Variants in SLFN11 observed in about 807,000 individuals in gnomAD.
The protein encoded by SLFN11 is schlafen family member 11.
A neutral mutation model predicts 53.4 loss-of-function variants in SLFN11; 43 were observed. The observed-to-expected ratio is 0.80, with a 90% CI of 0.63 to 1.04. The LOEUF is 1.04. SLFN11 is among the 50% of genes least tolerant of loss of function. SLFN11 has a pLI of 0.00. For missense variants in SLFN11, 990 were observed against 1,079.1 expected (o/e 0.92, Z 1.16); for synonymous variants, 389 against 394.7 (o/e 0.99, Z 0.17).
In SLFN11 at chr17:35,360,374, TA is replaced by T; in HGVS notation, c.1070-4del. ...ATCTTCAGACAACTGTAGAAGATCT[TA>T]AGAAAGAAAATTCATGTTATTCTGA... On this transcript the variant is annotated splice_region_variant and splice_polypyrimidine_tract_variant and intron_variant, in intron 4 of 6. Coordinates refer to ENST00000685675, the MANE Select transcript of SLFN11 (RefSeq NM_001376007.1). The T allele has an allele frequency of 6.3e-7, 1 of 1,595,804 alleles. No individual in the cohort carries two copies. Among genetic ancestry groups the T allele is most frequent in the Non-Finnish European group, 8.5e-7 (1 of 1,174,666 alleles).
rs200734680 is a variant in SLFN11 at position 35,352,868 on chromosome 17, G to A, written c.2194C>T (p.Arg732Cys). The change falls in exon 7 of 7, where the codon CGC becomes TGC. Residue 732 changes from arginine to cysteine, a missense_variant. Physicochemically the swap from Arg to Cys is radical, Grantham distance 180. Transcript: ENST00000685675. ...YPREELTRIV[R>C]NADPIAKYLQ... ...TACTTGGCTATTGGATCTGCATTGCGAACTATTCTGGTGAGCTCTTCTCTT... is the reference window on the plus strand; with the variant it reads ...TACTTGGCTATTGGATCTGCATTGCAAACTATTCTGGTGAGCTCTTCTCTT... 14 of 1,614,024 alleles carry A rather than the reference G, an allele frequency of 8.7e-6. No individual in the cohort carries two copies. Among genetic ancestry groups the A allele is most frequent in the South Asian group, 1.1e-5 (1 of 91,076 alleles).
In SLFN11 at chr17:35,353,418, C is replaced by T. The variant is rs756180435; in HGVS notation, c.1840G>A (p.Glu614Lys). The part of the protein sequence containing the change: ...GKTIMAMKIM[E>K]KIRNVFHCEA... Reference sequence around the variant, plus strand: ...CAGTGAAACACATTCCTGATCTTCTCCATGATCTTCATGGCCATGATGGTC... The same window carrying T: ...CAGTGAAACACATTCCTGATCTTCTTCATGATCTTCATGGCCATGATGGTC... Residue 614 changes from glutamate (E) to lysine (K), a missense_variant, in exon 6 of 7, where the codon GAG becomes AAG. Transcript: ENST00000685675. 1.2e-6 allele frequency: 2 copies of T among 1,608,278 alleles called. No individual in the cohort carries two copies. The highest frequency in any genetic ancestry group is 1.7e-5 in the Admixed American group (1 of 59,404).
At chr17:35,369,875 A>T (rs1185499204) in intron 1 of SLFN11, among the ~76,000 whole-genome samples, 1 of 152,150 alleles carries the variant, frequency 6.6e-6, no homozygotes, top group African/African-American at 2.4e-5. Context: ...CATAATAAAA[A>T]GTCTCCAGCA....
At chr17:35,358,250 T>C (rs1907773814) in intron 5 of SLFN11, among the ~76,000 whole-genome samples, 2 of 151,396 alleles carry the variant, frequency 1.3e-5, no homozygotes, top group African/African-American at 2.4e-5. Flanking sequence ...AGATACTGAA[T>C]TCTGCATATT....
At chr17:35,362,683 T>C (rs1908375150) in intron 4 of SLFN11, 56 bp downstream of exon 4, 5 of 1,392,842 alleles carry the variant, frequency 3.6e-6, no homozygotes, top group Non-Finnish European at 4.8e-6. Flanking sequence ...AAATTTAATA[T>C]GGGAGGTCCC....
At position 35,362,874 on chromosome 17, in the gene SLFN11, C is replaced by T; in HGVS notation, c.934G>A (p.Ala312Thr). Residue 312 changes from alanine to threonine, a missense_variant, in exon 4 of 7, where the codon GCT becomes ACT. This residue lies in a region of SLFN11 where 521 missense variants were observed against 516.2 expected (regional missense o/e 1.01). Transcript: ENST00000685675. ...VLKRGELYGY[A>T]CMIRVNPFCC... ...AAGGGATTTACTCTGATCATGCAAG[C>T]ATAGCCATAGAGCTCTCCCCTTTTT... The T allele has an allele frequency of 6.2e-7, 1 of 1,613,950 alleles. No homozygotes were observed.
At chr17:35,364,410 A>C (rs1469763696) in intron 3 of SLFN11, among the ~76,000 whole-genome samples, 1 of 152,100 alleles carries the variant, frequency 6.6e-6, no homozygotes, top group African/African-American at 2.4e-5. Context: ...CATAATGAAA[A>C]ACTGAGGCTG....
In SLFN11 at chr17:35,363,045, T is replaced by G. The variant is rs950998167; in HGVS notation, c.763A>C (p.Arg255=). The change falls in exon 4 of 7, where the codon AGG becomes CGG. Residue 255 remains arginine (R), a synonymous_variant. Transcript: ENST00000685675. ...YLFIGVDDKS[R]EVLGCAKENV... Reference sequence around the variant, plus strand: ...TCTTTTGCACATCCCAGGACTTCCCTACTCTTATCATCCACTCCAATAAAA... The same window carrying G: ...TCTTTTGCACATCCCAGGACTTCCCGACTCTTATCATCCACTCCAATAAAA... 4.3e-6 allele frequency: 7 copies of G among 1,613,960 alleles called. No individual in the cohort carries two copies. Among genetic ancestry groups the G allele is most frequent in the Non-Finnish European group, 5.9e-6 (7 of 1,179,990 alleles).
Position 35,353,643 on chromosome 17 carries a change from A to G in SLFN11, c.1615T>C (p.Tyr539His), listed in dbSNP as rs1907064253. The change falls in exon 6 of 7, where the codon TAT (tyrosine) becomes CAT (histidine). Residue 539 changes from tyrosine (Y) to histidine (H), a missense_variant. By Grantham distance (83) the Tyr-to-His change is moderately conservative (BLOSUM62 2). Transcript: ENST00000685675. ...AVSPMDYPAS[Y>H]SLAGTQHMEA... ...ATGTGCTGGGTGCCTGCAAGGCTAT[A>G]GGACGCAGGGTAATCCATCGGAGAC... The G allele has an allele frequency of 8.7e-7, 1 of 1,143,376 alleles. No individual in the cohort carries two copies. The highest frequency in any genetic ancestry group is 1.8e-5 in the African/African-American group (1 of 56,614). 70.8% of individuals were successfully genotyped at this position (1,143,376 alleles called of 1,614,324 possible). A position where few individuals can be genotyped will look rare whatever the true frequency, so the allele number is the denominator to read the frequency against.
chr17:35,352,919 G>A lies in SLFN11; in HGVS notation c.2143C>T (p.Leu715Phe). 1.2e-6 allele frequency: 2 copies of A among 1,614,140 alleles called. No homozygotes were observed. The highest frequency in any genetic ancestry group is 1.7e-6 in the Non-Finnish European group (2 of 1,180,016). The change falls in exon 7 of 7, where the codon CTC (leucine) becomes TTC (phenylalanine). Residue 715 changes from leucine (L) to phenylalanine (F), a missense_variant. Around this residue, in one of 3 missense-constraint regions of SLFN11, gnomAD observed 313 missense variants for 320.9 expected, o/e 0.98. Transcript: ENST00000685675. Reference protein sequence around the residue: ...FQTSHLDCSGLPPLSDQYPRE... With the variant: ...FQTSHLDCSGFPPLSDQYPRE... ...GGATATTGGTCTGAGAGAGGAGGGAGGCCACTGCAATCCAAGTGGCTGGTC... is the reference window on the plus strand; with the variant it reads ...GGATATTGGTCTGAGAGAGGAGGGAAGCCACTGCAATCCAAGTGGCTGGTC...
At chr17:35,356,084 A>G (rs567511179) in intron 5 of SLFN11, among the ~76,000 whole-genome samples, 4 of 151,762 alleles carry the variant, frequency 2.6e-5, no homozygotes, top group African/African-American at 7.2e-5. Context: ...GACCTACTAC[A>G]CCAGGCCCTG....
chr17:35,368,698 C>G (rs1909269505), intron 1 of SLFN11, among the ~76,000 whole-genome samples: 1 of 152,082 alleles, frequency 6.6e-6, no homozygotes, highest in African/African-American at 2.4e-5. Context: ...CCTCCCCCAA[C>G]CCCAGACAGT....
rs777573505 is a variant in SLFN11 at position 35,363,033 on chromosome 17, C to T, written c.775G>A (p.Gly259Arg). 8 of 1,613,802 alleles carry T rather than the reference C, an allele frequency of 5.0e-6. No homozygotes were observed. In the African/African-American group the frequency reaches 1.1e-4, roughly 22 times the overall value. Residue 259 changes from glycine (G) to arginine (R), a missense_variant, in exon 4 of 7, where the codon GGA becomes AGA. Around this residue, in one of 3 missense-constraint regions of SLFN11, gnomAD observed 521 missense variants for 516.2 expected, o/e 1.01. Coordinates refer to ENST00000685675, the MANE Select transcript of SLFN11 (RefSeq NM_001376007.1). ...GGGTCAACATTTTCTTTTGCACATC[C>T]CAGGACTTCCCTACTCTTATCATCC... ...GVDDKSREVL[G>R]CAKENVDPDS...
At position 35,353,450 on chromosome 17, in the gene SLFN11, G is replaced by A. The variant is rs777383424; in HGVS notation, c.1808C>T (p.Ser603Leu). 140 of 1,602,836 alleles carry A rather than the reference G, an allele frequency of 8.7e-5. No homozygotes were observed. The highest frequency in any genetic ancestry group is 1.2e-4 in the Non-Finnish European group (136 of 1,175,382). Reference protein sequence around the residue: ...RELFVHGLPGSGKTIMAMKIM... With the variant: ...RELFVHGLPGLGKTIMAMKIM... The stretch of plus-strand genomic sequence containing the variant: ...CTTCATGGCCATGATGGTCTTCCCT[G>A]AGCCAGGTAAGCCGTGGACAAACAA... The change falls in exon 6 of 7, where the codon TCA (serine) becomes TTA (leucine). Residue 603 changes from serine (S) to leucine (L), a missense_variant. Ser to Leu is a moderately radical substitution (Grantham distance 145). Transcript: ENST00000685675.
intron 5 of SLFN11, among the ~76,000 whole-genome samples, chr17:35,354,488 C>A (rs370843269): frequency 1.3e-5 from 2 of 152,168 alleles, no homozygotes; most frequent in Non-Finnish European, 2.9e-5. Flanking sequence ...AGGAGCCCCC[C>A]CTCCTCCACT....
In SLFN11 at chr17:35,352,423, T is replaced by C. The variant is rs1906801143; in HGVS notation, c.2639A>G (p.Asn880Ser). Residue 880 changes from asparagine to serine, a missense_variant, in exon 7 of 7, where the codon AAT (asparagine) becomes AGT (serine). By Grantham distance (46) the Asn-to-Ser change is conservative (BLOSUM62 1). Transcript: ENST00000685675. ...PRTADPAILP[N>S]VLICLASRAK... ...CCTGGAAGCCAGACAGATCAGAACATTGGGTAAGATAGCTGGGTCAGCTGT... is the reference window on the plus strand; with the variant it reads ...CCTGGAAGCCAGACAGATCAGAACACTGGGTAAGATAGCTGGGTCAGCTGT... 5.6e-6 allele frequency: 9 copies of C among 1,614,088 alleles called. No homozygotes were observed. The highest frequency in any genetic ancestry group is 4.5e-5 in the East Asian group (2 of 44,896).
chr17:35,360,131 C>T, intron 5 of SLFN11, 112 bp downstream of exon 5: 2 of 1,127,796 alleles, frequency 1.8e-6, no homozygotes, highest in Non-Finnish European at 2.6e-6. Context: ...TCACGTCTTA[C>T]AAATGGGTTT....
In SLFN11 at chr17:35,362,878, G is replaced by A; in HGVS notation, c.930C>T (p.Gly310=). 3 of 1,613,986 alleles carry A rather than the reference G, an allele frequency of 1.9e-6. No homozygotes were observed. The highest frequency in any genetic ancestry group is 2.5e-6 in the Non-Finnish European group (3 of 1,179,946). The part of the protein sequence containing the change: ...VNVLKRGELY[G]YACMIRVNPF... Reference sequence around the variant, plus strand: ...GATTTACTCTGATCATGCAAGCATAGCCATAGAGCTCTCCCCTTTTTAACA... The same window carrying A: ...GATTTACTCTGATCATGCAAGCATAACCATAGAGCTCTCCCCTTTTTAACA... The change falls in exon 4 of 7, where the codon GGC becomes GGT. Residue 310 remains glycine, a synonymous_variant. Transcript: ENST00000685675.
rs1176143218 is a variant in SLFN11 at position 35,353,694 on chromosome 17, T to C, written c.1564A>G (p.Ser522Gly). Residue 522 changes from serine to glycine, a missense_variant, in exon 6 of 7, where the codon AGC becomes GGC. This residue lies in a region of SLFN11 where 156 missense variants were observed against 241.9 expected (regional missense o/e 0.64). Transcript: ENST00000685675. ...ACTGCAGCCTCCAAGGCCTCTGCGC[T>C]GCTCTCAGGACTCAGGCAGAGGACC... is the stretch of plus-strand genomic sequence containing the variant. ...AKVLCLSPESSAEALEAAVSP... is the reference protein window; with the variant it reads ...AKVLCLSPESGAEALEAAVSP... The C allele has an allele frequency of 1.5e-6, 2 of 1,363,938 alleles. No homozygotes were observed. The highest frequency in any genetic ancestry group is 1.6e-5 in the African/African-American group (1 of 62,670). 84.5% of individuals were successfully genotyped at this position (1,363,938 alleles called of 1,614,324 possible).
Sources: allele counts gnomAD v4.1 joint callset (sites outside exome capture counted in the v4.1 genomes callset), GRCh38; gene constraint gnomAD v4.1.1; regional missense constraint gnomAD v4.1.1; transcripts MANE v1.5; gene names NCBI Gene and HGNC (gene_info 2026-07-23, HGNC 2026-07-21).